KCNT1: variants seen among roughly 807,000 people sequenced by gnomAD.
The protein encoded by KCNT1 is potassium sodium-activated channel subfamily T member 1.
In KCNT1, 78 loss-of-function variants were observed where a neutral mutation model predicts 147.8. The observed-to-expected ratio is 0.53, with a 90% CI of 0.44 to 0.64. The LOEUF is 0.64. KCNT1 is among the 30% of genes least tolerant of loss of function. KCNT1 has a pLI of 0.00. For missense variants in KCNT1, 1,419 were observed against 1,750.3 expected (o/e 0.81, Z 3.38); for synonymous variants, 867 against 748.8 (o/e 1.16, Z -2.58).
intron 2 of KCNT1, among the ~76,000 whole-genome samples, chr9:135,747,972 C>T (rs1474752273): frequency 1.3e-5 from 2 of 152,282 alleles, no homozygotes; most frequent in South Asian, 2.1e-4. Flanking sequence ...GACAGGGCCT[C>T]GCTCTGTCAC....
At chr9:135,733,946 G>A (rs1394732698) in intron 2 of KCNT1, among the ~76,000 whole-genome samples, 3 of 144,002 alleles carry the variant, frequency 2.1e-5, no homozygotes, top group South Asian at 2.2e-4. Flanking sequence ...CAGCCTGGGC[G>A]CTGTCCCTCC....
chr9:135,772,610 C>T, intron 18 of KCNT1, 105 bp from the exon 19 acceptor site: 1 of 774,830 alleles, frequency 1.3e-6, no homozygotes, highest in East Asian at 3.3e-5. Flanking sequence ...GGAGCCAGGC[C>T]ATGACAGGGT....
At chr9:135,784,500 TCCCTCCCTC>T in intron 25 of KCNT1, 26 bp from the exon 26 acceptor site, 1 of 154,394 alleles carries the variant, frequency 6.5e-6, no homozygotes. Flanking sequence ...CCTCCCTCCC[TCCCTCCCTC>T]CCTCCCTCCC....
intron 29 of KCNT1, 63 bp downstream of exon 29, chr9:135,786,584 C>A: frequency 1.4e-6 from 2 of 1,442,366 alleles, no homozygotes; most frequent in Non-Finnish European, 1.8e-6. Flanking sequence ...GGGCCACAGC[C>A]AAGAACAGTC....
At chr9:135,787,086 G>C (rs1004800375) in intron 29 of KCNT1, among the ~76,000 whole-genome samples, 6 of 152,192 alleles carry the variant, frequency 3.9e-5, no homozygotes, top group Admixed American at 2.6e-4. Context: ...GCCAGGGTAG[G>C]GGGGAGACTT....
intron 2 of KCNT1, among the ~76,000 whole-genome samples, chr9:135,718,643 T>C (rs1190096834): frequency 1.3e-5 from 2 of 152,124 alleles, no homozygotes; most frequent in African/African-American, 4.8e-5. Flanking sequence ...GCAGGTGCAA[T>C]GTGGGGGCTC....
chr9:135,757,264 CTG>C (rs1325231972), intron 8 of KCNT1, 32 bp from the exon 9 acceptor site: 2 of 1,612,808 alleles, frequency 1.2e-6, no homozygotes, highest in Admixed American at 1.7e-5. Flanking sequence ...AGTGCGGGCC[CTG>C]GAGCCCCAGC....
chr9:135,722,122 G>C (rs1282685238), intron 2 of KCNT1, among the ~76,000 whole-genome samples: 3 of 152,160 alleles, frequency 2.0e-5, no homozygotes, highest in Non-Finnish European at 4.4e-5. Context: ...TGGGGGCATG[G>C]AGGAGGGTCC....
In KCNT1 at chr9:135,714,508, G is replaced by C; in HGVS notation, c.111-69G>C. 1 of 959,924 alleles carries C rather than the reference G, an allele frequency of 1.0e-6. No individual in the cohort carries two copies. The highest frequency in any genetic ancestry group is 1.2e-6 in the Non-Finnish European group (1 of 808,730). The allele number at this position is 959,924 out of a possible 1,614,324, so 59.5% of individuals were successfully genotyped here. A position where few individuals can be genotyped will look rare whatever the true frequency, so the allele number is the denominator to read the frequency against. On this transcript the variant is annotated intron_variant, in intron 1 of 30. Transcript: ENST00000371757. This position sits in a 1 kb window ranked among gnomAD's most constrained non-coding sequence, Gnocchi z 6.2. ...CTGCGCTGCGCGGGCCGGGCCTGGC[G>C]GGCCGGGGGCTGCGCGCGTCCGCGA...
At chr9:135,760,010 C>T (rs1330725163) in intron 11 of KCNT1, 151 bp downstream of exon 11, 8 of 679,202 alleles carry the variant, frequency 1.2e-5, no homozygotes, top group African/African-American at 1.8e-5. Context: ...TGCTCCGTTG[C>T]ACGCCCCCAC....
intron 2 of KCNT1, among the ~76,000 whole-genome samples, chr9:135,725,489 C>G (rs1333287579): frequency 1.3e-5 from 2 of 152,232 alleles, no homozygotes; most frequent in East Asian, 3.9e-4. Context: ...CCACCAGGAG[C>G]TGGAGACGGC....
At chr9:135,708,061 A>G (rs1835328469) in intron 1 of KCNT1, among the ~76,000 whole-genome samples, 1 of 152,214 alleles carries the variant, frequency 6.6e-6, no homozygotes, top group Admixed American at 6.5e-5. Context: ...GTTTTCTGCC[A>G]TGGTCAGCAG....
rs1258186422 is a variant in KCNT1 at position 135,731,968 on chromosome 9, A to ATATATATATATATATG, written c.254+17263_254+17264insGTATATATATATATAT. On this transcript the variant is annotated intron_variant, in intron 2 of 30. Coordinates refer to ENST00000371757, the MANE Select transcript of KCNT1 (RefSeq NM_020822.3). Reference sequence around the variant, plus strand: ...ACTTTTCAAATATGCGTGTATATATATATATATATATATATATATATATAG... The same window carrying ATATATATATATATATG: ...ACTTTTCAAATATGCGTGTATATATATATATATATATATATGTATATATATATATATATATATATAG... Among the ~76,000 whole-genome samples, 32 of 23,134 alleles carry ATATATATATATATATG rather than the reference A, an allele frequency of 1.4e-3. 1 individual carries two copies. Among genetic ancestry groups the ATATATATATATATATG allele is most frequent in the Non-Finnish European group, 2.4e-3 (28 of 11,590 alleles). 15.2% of individuals were successfully genotyped at this position (23,134 alleles called of 152,430 possible).
At position 135,760,979 on chromosome 9, in the gene KCNT1, C is replaced by T. The variant is rs115270110; in HGVS notation, c.1035+1120C>T. On this transcript the variant is annotated intron_variant, in intron 11 of 30. Coordinates refer to ENST00000371757, the MANE Select transcript of KCNT1 (RefSeq NM_020822.3). ...TTCCCGTTACTTCCTGCTCTGTGAC[C>T]GCCCCTCTCACTTTGCTTACAGAAT... 6.4e-3 allele frequency among the ~76,000 whole-genome samples: 978 copies of T among 152,226 alleles called. 7 individuals are homozygous for T. Among genetic ancestry groups the T allele is most frequent in the African/African-American group, 0.022 (923 of 41,536 alleles).
At chr9:135,735,247 C>T (rs76799983) in intron 2 of KCNT1, among the ~76,000 whole-genome samples, 2,693 of 152,282 alleles carry the variant, frequency 0.018, 40 homozygotes, top group South Asian at 0.032. Context: ...TCAGCCACAT[C>T]GGGGAGGGCG....
intron 2 of KCNT1, among the ~76,000 whole-genome samples, chr9:135,725,934 T>C (rs1366661493): frequency 6.6e-6 from 1 of 151,636 alleles, no homozygotes; most frequent in African/African-American, 2.4e-5. Flanking sequence ...ACCTGGGCGA[T>C]AGGGGTCTGG....
chr9:135,788,166 A>G, intron 29 of KCNT1: 1 of 1,611,996 alleles, frequency 6.2e-7, no homozygotes, highest in African/African-American at 1.3e-5. Flanking sequence ...TTGCAAGGTA[A>G]TTCTGCCCTG....
At chr9:135,774,895 AC>A (rs1251129721) in intron 19 of KCNT1, among the ~76,000 whole-genome samples, 1 of 151,588 alleles carries the variant, frequency 6.6e-6, no homozygotes. Flanking sequence ...GGCCCTACCC[AC>A]CCCTCGGTCT....
chr9:135,786,143 G>C (rs975139512), intron 28 of KCNT1, 54 bp from the exon 29 acceptor site: 457 of 1,525,706 alleles, frequency 3.0e-4, no homozygotes, highest in Non-Finnish European at 3.7e-4. Context: ...CAAAGCCCGC[G>C]ACCCTCCCGG....
Sources: allele counts gnomAD v4.1 joint callset (sites outside exome capture counted in the v4.1 genomes callset), GRCh38; gene constraint gnomAD v4.1.1; non-coding constraint Gnocchi (gnomAD v3.1); transcripts MANE v1.5; gene names NCBI Gene and HGNC (gene_info 2026-07-23, HGNC 2026-07-21).